KLRG1: variants seen among roughly 807,000 people sequenced by gnomAD.
KLRG1 encodes killer cell lectin-like receptor subfamily G member 1.
KLRG1 carries 16 observed loss-of-function variants against 21.8 expected under a neutral mutation model. That is an observed-to-expected ratio of 0.73 (90% confidence interval 0.50 to 1.11). The LOEUF (loss-of-function observed/expected upper bound fraction) is 1.11. Ranked by LOEUF, KLRG1 falls within the 50% of genes most tolerant of loss-of-function variation. The pLI, the probability that KLRG1 is intolerant of heterozygous loss-of-function variation, is 0.00. For missense variants in KLRG1, 173 were observed against 218.3 expected, an observed-to-expected ratio of 0.79 and a Z score of 1.31; for synonymous variants, 69 against 75.9, an observed-to-expected ratio of 0.91 and a Z score of 0.47.
the KLRG1 span, chr12:9,192,643 T>C: frequency 6.2e-7 from 1 of 1,614,100 alleles, no homozygotes; most frequent in Non-Finnish European, 8.5e-7. Flanking sequence ...TAACTTCCAC[T>C]TAAGGAGAAA....
chr12:9,104,915 C>T, the KLRG1 span, among the ~76,000 whole-genome samples: 1 of 152,168 alleles, frequency 6.6e-6, no homozygotes, highest in African/African-American at 2.4e-5. Context: ...AAACAATTGC[C>T]AATACATTGT....
the KLRG1 span, among the ~76,000 whole-genome samples, chr12:9,186,143 C>A: frequency 4.3e-3 from 647 of 152,200 alleles, 1 homozygote; most frequent in Middle Eastern, 0.01. Context: ...CCAAGAATTT[C>A]ATATCTAGCC....
the KLRG1 span, chr12:9,057,846 T>C: frequency 6.6e-6 from 1 of 152,218 alleles, no homozygotes; most frequent in South Asian, 2.1e-4. Context: ...TCTAATTCAT[T>C]GTGCTCCCTA....
intron 1 of KLRG1, among the ~76,000 whole-genome samples, chr12:8,991,100 A>C (rs181091062): frequency 6.6e-6 from 1 of 152,184 alleles, no homozygotes; most frequent in African/African-American, 2.4e-5. Flanking sequence ...CCAAATAGGC[A>C]AGTTTAATTT....
At position 8,995,351 on chromosome 12, in the gene KLRG1, G is replaced by A. The variant is rs184682903; in HGVS notation, c.357+63G>A. Reference sequence around the variant, plus strand: ...TTGTTTTTGTTTTTGTTTTTAAACTGCTATTTAAATGTATCATGTATCCTC... The same window carrying A: ...TTGTTTTTGTTTTTGTTTTTAAACTACTATTTAAATGTATCATGTATCCTC... On this transcript the variant is annotated intron_variant, in intron 3 of 4. Coordinates refer to ENST00000356986, the MANE Select transcript of KLRG1 (RefSeq NM_005810.4). The A allele has an allele frequency of 3.6e-3, 5,042 of 1,408,986 alleles. 14 individuals carry two copies. The highest frequency in any genetic ancestry group is 4.4e-3 in the Non-Finnish European group (4,540 of 1,024,808). 87.3% of individuals were successfully genotyped at this position (1,408,986 alleles called of 1,614,324 possible).
chr12:8,991,299 A>C (rs911042953), intron 1 of KLRG1, among the ~76,000 whole-genome samples: 1 of 69,184 alleles, frequency 1.4e-5, no homozygotes, highest in African/African-American at 3.1e-5. Flanking sequence ...GTTGTATGCA[A>C]CACAGCTAAC....
chr12:9,161,608 A>G, the KLRG1 span, among the ~76,000 whole-genome samples: 23 of 152,288 alleles, frequency 1.5e-4, no homozygotes, highest in Middle Eastern at 3.4e-3. Flanking sequence ...AAGACTTATA[A>G]CCATGATAAT....
the KLRG1 span, chr12:9,115,871 A>C: frequency 6.3e-7 from 1 of 1,594,116 alleles, no homozygotes; most frequent in Non-Finnish European, 8.6e-7. Flanking sequence ...AAGGAGCTGG[A>C]GGAGAACAGA....
the KLRG1 span, among the ~76,000 whole-genome samples, chr12:9,169,177 C>CAA: frequency 1.2e-4 from 11 of 94,034 alleles, no homozygotes; most frequent in South Asian, 2.0e-3. Context: ...TTTTGGTTTG[C>CAA]AAATAAAAAA....
At chr12:9,097,147 G>A in the KLRG1 span, among the ~76,000 whole-genome samples, 1 of 152,096 alleles carries the variant, frequency 6.6e-6, no homozygotes, top group Non-Finnish European at 1.5e-5. Flanking sequence ...TATTATAAAA[G>A]TATAAAACAT....
chr12:9,154,910 C>T, the KLRG1 span: 1 of 1,398,298 alleles, frequency 7.2e-7, no homozygotes, highest in Non-Finnish European at 9.9e-7. Context: ...TAAGAGAATG[C>T]ACATTCATAA....
At chr12:9,158,261 C>T in the KLRG1 span, among the ~76,000 whole-genome samples, 1 of 152,200 alleles carries the variant, frequency 6.6e-6, no homozygotes, top group Non-Finnish European at 1.5e-5. Flanking sequence ...GGCCCAATTT[C>T]TTCCTTCTCT....
At chr12:9,021,178 G>C in the KLRG1 span, among the ~76,000 whole-genome samples, 2 of 152,010 alleles carry the variant, frequency 1.3e-5, no homozygotes, top group African/African-American at 4.8e-5. Flanking sequence ...ACGGTACACC[G>C]GTATATGACA....
At chr12:9,077,939 T>C in the KLRG1 span, 117 of 1,549,636 alleles carry the variant, frequency 7.6e-5, no homozygotes, top group African/African-American at 8.0e-4. Flanking sequence ...CTTCATATGA[T>C]GTGAGTTAGC....
chr12:9,112,242 A>G, the KLRG1 span: 1 of 1,613,716 alleles, frequency 6.2e-7, no homozygotes, highest in South Asian at 1.1e-5. Flanking sequence ...ATGAGCCCCC[A>G]AACCCAAAGT....
chr12:9,010,308 GT>G lies in KLRG1; in HGVS notation c.*779del, dbSNP rs1389459636. 2 of 325,124 alleles carry G rather than the reference GT, an allele frequency of 6.2e-6. No homozygotes were observed. Among genetic ancestry groups the G allele is most frequent in the East Asian group, 5.6e-5 (1 of 17,904 alleles). 20.1% of individuals were successfully genotyped at this position (325,124 alleles called of 1,614,324 possible). A position where few individuals can be genotyped will look rare whatever the true frequency, so the allele number is the denominator to read the frequency against. On this transcript the variant is annotated 3_prime_UTR_variant, in exon 5 of 5. Coordinates refer to ENST00000356986, the MANE Select transcript of KLRG1 (RefSeq NM_005810.4). ...CAAAAACCCGGTCTTAACTGATTTT[GT>G]TTTTTTTCTGAGTATGCATATATGT...
At chr12:9,130,256 T>G in the KLRG1 span, among the ~76,000 whole-genome samples, 9 of 152,358 alleles carry the variant, frequency 5.9e-5, no homozygotes, top group South Asian at 1.7e-3. Flanking sequence ...GTGCTATGAC[T>G]GTGGTATATA....
chr12:9,003,628 T>G (rs1184584475), intron 3 of KLRG1, among the ~76,000 whole-genome samples: 1 of 152,072 alleles, frequency 6.6e-6, no homozygotes, highest in Admixed American at 6.5e-5. Context: ...ACCCCCAGCA[T>G]GCACAGTTAA....
At chr12:9,127,825 G>T in the KLRG1 span, 2 of 230,078 alleles carry the variant, frequency 8.7e-6, no homozygotes, top group Non-Finnish European at 9.0e-6. Context: ...GGAGGAGGCC[G>T]GGTGAGCTGA....
Sources: gnomAD v4.1 joint callset for allele counts (sites outside exome capture counted in the v4.1 genomes callset) on GRCh38, gnomAD v4.1.1 for gene constraint, MANE v1.5 for transcripts, NCBI Gene and HGNC (gene_info 2026-07-23, HGNC 2026-07-21) for gene names.